Variants in LRRC28 observed in about 807,000 individuals in gnomAD.
LRRC28 encodes leucine-rich repeat-containing protein 28.
Under a neutral mutation model 45.7 loss-of-function variants are expected in LRRC28, and 39 were observed. That is an observed-to-expected ratio of 0.85 (90% confidence interval 0.66 to 1.12). The LOEUF (loss-of-function observed/expected upper bound fraction) is 1.12. Among genes scored for constraint, LRRC28 ranks in the 50% most tolerant of loss-of-function variants. The pLI is 0.00. For missense variants in LRRC28, 435 were observed against 438.5 expected (o/e 0.99, Z 0.07); for synonymous variants, 206 against 178.8 (o/e 1.15, Z -1.22).
Position 99,269,414 on chromosome 15 carries a change from CT to C in LRRC28, c.169-7149del, listed in dbSNP as rs369037768. Among the ~76,000 whole-genome samples, 228 of 145,924 alleles carry C rather than the reference CT, an allele frequency of 1.6e-3. 2 individuals carry two copies. Among genetic ancestry groups the C allele is most frequent in the South Asian group, 4.8e-3 (22 of 4,630 alleles). On this transcript the variant is annotated intron_variant, in intron 2 of 9. Transcript: ENST00000301981. ...CTTTACCAGCCACATGTGCTGTTAA[CT>C]TTTTTTTTTTTTGGAGACAGAGTTT... is the stretch of plus-strand genomic sequence containing the variant.
At chr15:99,299,146 A>G (rs1038540456) in intron 5 of LRRC28, among the ~76,000 whole-genome samples, 3 of 152,244 alleles carry the variant, frequency 2.0e-5, no homozygotes, top group Non-Finnish European at 4.4e-5. Flanking sequence ...ATTAAAATAT[A>G]TGAATAGTGA....
intron 7 of LRRC28, among the ~76,000 whole-genome samples, chr15:99,358,672 G>C (rs1957113769): frequency 6.6e-6 from 1 of 152,020 alleles, no homozygotes; most frequent in Non-Finnish European, 1.5e-5. Context: ...TCAATTCAGA[G>C]GTAAATGATA....
chr15:99,331,411 T>C (rs1171249916), intron 5 of LRRC28, among the ~76,000 whole-genome samples: 1 of 152,232 alleles, frequency 6.6e-6, no homozygotes, highest in Non-Finnish European at 1.5e-5. Flanking sequence ...TTATTTTCCA[T>C]ATCCGATCAA....
chr15:99,266,095 C>T (rs1597174125), intron 2 of LRRC28, among the ~76,000 whole-genome samples: 1 of 152,220 alleles, frequency 6.6e-6, no homozygotes, highest in South Asian at 2.1e-4. Flanking sequence ...TTAATCTATG[C>T]AACAAGAGAT....
intron 6 of LRRC28, among the ~76,000 whole-genome samples, chr15:99,351,585 A>G (rs1469891842): frequency 6.6e-6 from 1 of 151,902 alleles, no homozygotes; most frequent in Admixed American, 6.6e-5. Context: ...CTTCTTCCTC[A>G]TGAGGAAGTT....
At chr15:99,282,321 C>T (rs183636364) in intron 3 of LRRC28, among the ~76,000 whole-genome samples, 196 of 152,076 alleles carry the variant, frequency 1.3e-3, no homozygotes, top group Middle Eastern at 6.8e-3. Context: ...TCCTGTTCTA[C>T]AGTCCAGAAT....
At chr15:99,284,005 G>A (rs1450894860) in intron 3 of LRRC28, among the ~76,000 whole-genome samples, 1 of 152,180 alleles carries the variant, frequency 6.6e-6, no homozygotes, top group Non-Finnish European at 1.5e-5. Context: ...TGTTCTAAGA[G>A]CTTTACATTT....
intron 9 of LRRC28, among the ~76,000 whole-genome samples, chr15:99,365,193 G>A (rs1169190809): frequency 6.6e-6 from 1 of 152,112 alleles, no homozygotes; most frequent in Non-Finnish European, 1.5e-5. Context: ...GTCAGTACTT[G>A]CATTTTCCAT....
intron 9 of LRRC28, chr15:99,384,629 A>C (rs1042967319): frequency 5.9e-5 from 9 of 152,148 alleles, no homozygotes; most frequent in African/African-American, 2.2e-4. Context: ...CTCACCCCAC[A>C]AACTTGGAAT....
chr15:99,376,956 T>G (rs1003216269), intron 9 of LRRC28, among the ~76,000 whole-genome samples: 2 of 152,232 alleles, frequency 1.3e-5, no homozygotes, highest in Non-Finnish European at 2.9e-5. Flanking sequence ...GATGGACATT[T>G]GGGTTGGTTC....
At chr15:99,259,854 C>T in intron 2 of LRRC28, 1 of 814,764 alleles carries the variant, frequency 1.2e-6, no homozygotes, top group South Asian at 1.3e-5. Flanking sequence ...GAATGCCTTG[C>T]CTCAGTTTGA....
intron 5 of LRRC28, among the ~76,000 whole-genome samples, chr15:99,293,146 A>G (rs1044539855): frequency 6.6e-6 from 1 of 152,218 alleles, no homozygotes; most frequent in African/African-American, 2.4e-5. Context: ...GTGCCATTTC[A>G]TACAAATTAC....
chr15:99,306,757 A>T (rs1035421693), intron 5 of LRRC28, among the ~76,000 whole-genome samples: 2 of 152,138 alleles, frequency 1.3e-5, no homozygotes, highest in African/African-American at 4.8e-5. Context: ...CTTGGTGCCT[A>T]TTGTCTGTCC....
chr15:99,263,939 G>T (rs116392020), intron 2 of LRRC28, among the ~76,000 whole-genome samples: 2,201 of 152,274 alleles, frequency 0.014, 49 homozygotes, highest in African/African-American at 0.051. Context: ...ATGGCATAAC[G>T]TTCGAGGGAC....
intron 2 of LRRC28, among the ~76,000 whole-genome samples, chr15:99,268,132 A>C (rs1164140250): frequency 2.6e-5 from 4 of 152,312 alleles, no homozygotes; most frequent in Non-Finnish European, 5.9e-5. Context: ...TTCCTAGCCT[A>C]GCACCACCAT....
At chr15:99,318,323 A>T (rs961260512) in intron 5 of LRRC28, among the ~76,000 whole-genome samples, 8 of 152,102 alleles carry the variant, frequency 5.3e-5, no homozygotes, top group Non-Finnish European at 1.2e-4. Context: ...TTCTTAGCTA[A>T]AGTAAATACA....
intron 6 of LRRC28, among the ~76,000 whole-genome samples, chr15:99,344,804 G>T (rs558170395): frequency 4.4e-4 from 67 of 152,266 alleles, no homozygotes; most frequent in African/African-American, 1.4e-3. Flanking sequence ...GCAGTATAGA[G>T]AAAAGAGGTG....
chr15:99,365,939 T>TA (rs1280634151), intron 9 of LRRC28, among the ~76,000 whole-genome samples: 1 of 152,242 alleles, frequency 6.6e-6, no homozygotes, highest in Non-Finnish European at 1.5e-5. Context: ...TTTCAAAACT[T>TA]ATTGTTCATT....
intron 9 of LRRC28, among the ~76,000 whole-genome samples, chr15:99,367,233 G>A (rs1957364338): frequency 6.6e-6 from 1 of 152,190 alleles, no homozygotes; most frequent in Non-Finnish European, 1.5e-5. Context: ...TGTTAGAGTG[G>A]CTCACAGAGC....
Sources: allele counts gnomAD v4.1 joint callset (sites outside exome capture counted in the v4.1 genomes callset), GRCh38; gene constraint gnomAD v4.1.1; transcripts MANE v1.5; gene names NCBI Gene and HGNC (gene_info 2026-07-23, HGNC 2026-07-21).